Variants in IGSF11 observed in about 807,000 individuals in gnomAD.
IGSF11 encodes immunoglobulin superfamily member 11.
Under a neutral mutation model 41.0 loss-of-function variants are expected in IGSF11, and 22 were observed. The ratio of observed to expected loss-of-function variants is 0.54; its 90% CI spans 0.38 to 0.77. The LOEUF (loss-of-function observed/expected upper bound fraction) is 0.77, where lower values mean the gene tolerates loss of function less well. Ranked by LOEUF, IGSF11 falls within the 30% of genes least tolerant of loss-of-function variation. The pLI is 0.00. For missense variants in IGSF11, 444 were observed against 530.8 expected, an observed-to-expected ratio of 0.84 and a Z score of 1.61; for synonymous variants, 219 against 201.3, an observed-to-expected ratio of 1.09 and a Z score of -0.74.
intron 4 of IGSF11, among the ~76,000 whole-genome samples, chr3:118,908,380 A>C (rs1235724448): frequency 2.6e-5 from 4 of 152,310 alleles, no homozygotes; most frequent in Non-Finnish European, 2.9e-5. Context: ...AGACAGGTAC[A>C]TTGATAACAG....
At chr3:119,040,990 C>T (rs762422013) in intron 1 of IGSF11, among the ~76,000 whole-genome samples, 48 of 152,112 alleles carry the variant, frequency 3.2e-4, no homozygotes, top group Non-Finnish European at 6.2e-4. Flanking sequence ...CTGTAAAATG[C>T]AGCTAGAGTA....
intron 1 of IGSF11, among the ~76,000 whole-genome samples, chr3:119,142,789 G>T (rs1259316409): frequency 2.0e-5 from 3 of 152,090 alleles, no homozygotes; most frequent in African/African-American, 7.2e-5. Context: ...GATCCACACT[G>T]ATACATGACA....
Position 119,119,715 on chromosome 3 carries a change from G to A in IGSF11, c.-13-14510C>T, listed in dbSNP as rs375462475. Among the ~76,000 whole-genome samples, 14 of 152,156 alleles carry A rather than the reference G, an allele frequency of 9.2e-5. No homozygotes were observed. The East Asian group carries it at 2.7e-3, about 29-fold the overall frequency. ...TCCCAGAAAAATTTCAATTCTCAGA[G>A]TACGGTGACTACCTCACTCTGGTTC... On this transcript the variant is annotated intron_variant, in intron 1 of 7. Transcript: ENST00000425327.
chr3:118,966,741 A>C (rs1945707466), intron 1 of IGSF11, among the ~76,000 whole-genome samples: 2 of 152,248 alleles, frequency 1.3e-5, no homozygotes, highest in Non-Finnish European at 2.9e-5. Flanking sequence ...GTTTGGATTT[A>C]CGTTTAAGAG....
chr3:118,985,279 T>C (rs1030898073), intron 1 of IGSF11, among the ~76,000 whole-genome samples: 2 of 152,142 alleles, frequency 1.3e-5, no homozygotes, highest in Non-Finnish European at 2.9e-5. Context: ...CAATATTCTA[T>C]CTCCATTAAT....
chr3:119,105,094 G>T, intron 1 of IGSF11: 1 of 1,225,940 alleles, frequency 8.2e-7, no homozygotes, highest in Non-Finnish European at 1.2e-6. Context: ...GGCCATAAGA[G>T]ATAATAACCA....
upstream of IGSF11, among the ~76,000 whole-genome samples, chr3:119,107,625 C>T (rs1263232828): frequency 6.6e-6 from 1 of 152,052 alleles, no homozygotes; most frequent in East Asian, 1.9e-4. Context: ...GCTTTTGTTG[C>T]CATTGCTTTT....
At chr3:119,065,084 A>G (rs1341865781) in intron 1 of IGSF11, among the ~76,000 whole-genome samples, 1 of 152,196 alleles carries the variant, frequency 6.6e-6, no homozygotes, top group Non-Finnish European at 1.5e-5. Context: ...CTCATACCCA[A>G]TTTCAGAGAG....
chr3:119,097,069 A>AATCTCCTAT (rs2076864603), intron 1 of IGSF11, among the ~76,000 whole-genome samples: 1 of 152,202 alleles, frequency 6.6e-6, no homozygotes, highest in Admixed American at 6.5e-5. Context: ...AATCCAGGAT[A>AATCTCCTAT]ATCTCCTATT....
chr3:119,102,328 T>A (rs2107506982), intron 1 of IGSF11, among the ~76,000 whole-genome samples: 1 of 152,340 alleles, frequency 6.6e-6, no homozygotes, highest in Middle Eastern at 3.4e-3. Flanking sequence ...GTCCACACTT[T>A]CTCTCCTTAA....
chr3:119,114,995 G>GCTCC (rs2077235753), intron 1 of IGSF11, among the ~76,000 whole-genome samples: 1 of 152,142 alleles, frequency 6.6e-6, no homozygotes, highest in Non-Finnish European at 1.5e-5. Flanking sequence ...AAAGGGGGAG[G>GCTCC]TGCTACACAC....
intron 1 of IGSF11, among the ~76,000 whole-genome samples, chr3:119,058,980 G>C (rs143887295): frequency 0.067 from 10,171 of 151,760 alleles, 458 homozygotes; most frequent in Admixed American, 0.15. Flanking sequence ...GTTGTGGGGT[G>C]GGGGGAGAGG....
chr3:118,989,299 C>T (rs1310458865), intron 1 of IGSF11, among the ~76,000 whole-genome samples: 1 of 152,064 alleles, frequency 6.6e-6, no homozygotes, highest in Non-Finnish European at 1.5e-5. Context: ...GTTGTTGATC[C>T]ACAAGAAGAT....
chr3:119,084,088 G>A (rs2076631634), intron 1 of IGSF11, among the ~76,000 whole-genome samples: 2 of 152,104 alleles, frequency 1.3e-5, no homozygotes, highest in Admixed American at 1.3e-4. Context: ...TAACAAAAAA[G>A]TTTTAAAAGT....
At chr3:118,931,727 A>C (rs1038357900) in intron 1 of IGSF11, among the ~76,000 whole-genome samples, 7 of 143,324 alleles carry the variant, frequency 4.9e-5, no homozygotes, top group Non-Finnish European at 7.5e-5. Flanking sequence ...TGCAAGCTTA[A>C]AAGTCACTGA....
intron 1 of IGSF11, among the ~76,000 whole-genome samples, chr3:119,127,538 C>T (rs1400218107): frequency 2.0e-5 from 3 of 152,080 alleles, no homozygotes; most frequent in Admixed American, 1.3e-4. Context: ...CATGCAAATT[C>T]AGGAAATACA....
At chr3:119,024,286 C>A (rs1939604995) in intron 1 of IGSF11, among the ~76,000 whole-genome samples, 1 of 152,114 alleles carries the variant, frequency 6.6e-6, no homozygotes, top group South Asian at 2.1e-4. Context: ...AGAAAATATT[C>A]TCACGAAAAT....
In IGSF11 at chr3:118,928,218, T is replaced by C. The variant is rs114394467; in HGVS notation, c.424+291A>G. Among the ~76,000 whole-genome samples, 259 of 152,350 alleles carry C rather than the reference T, an allele frequency of 1.7e-3. 3 individuals carry two copies. The highest frequency in any genetic ancestry group is 6.1e-3 in the African/African-American group (255 of 41,580). On this transcript the variant is annotated intron_variant, in intron 3 of 6. Coordinates refer to ENST00000393775, the MANE Select transcript of IGSF11 (RefSeq NM_001015887.3). ...GCTCTCAACAATAAGTTCTGTACTG[T>C]AGAAGCTTAAGAAAAGTGAGAGACC...
intron 1 of IGSF11, among the ~76,000 whole-genome samples, chr3:119,099,091 G>T (rs757518747): frequency 6.6e-6 from 1 of 152,146 alleles, no homozygotes; most frequent in Non-Finnish European, 1.5e-5. Flanking sequence ...GGAAAAAAAG[G>T]TCACAGGTGC....
Sources: gnomAD v4.1 joint callset for allele counts (sites outside exome capture counted in the v4.1 genomes callset) on GRCh38, gnomAD v4.1.1 for gene constraint, MANE v1.5 for transcripts, NCBI Gene and HGNC (gene_info 2026-07-23, HGNC 2026-07-21) for gene names.